The following PTBP3 variants were observed in gnomAD, a reference collection of about 807,000 sequenced individuals.
PTBP3 encodes polypyrimidine tract-binding protein 3.
A neutral mutation model predicts 58.7 loss-of-function variants in PTBP3; 20 were observed. The observed-to-expected ratio is 0.34, with a 90% CI of 0.24 to 0.50. The LOEUF (loss-of-function observed/expected upper bound fraction) is 0.50, where lower values mean the gene tolerates loss of function less well. PTBP3 is among the 20% of genes least tolerant of loss of function. PTBP3 has a pLI of 0.98. For missense variants in PTBP3, 509 were observed against 637.2 expected, an observed-to-expected ratio of 0.80 and a Z score of 2.17; for synonymous variants, 185 against 219.8, an observed-to-expected ratio of 0.84 and a Z score of 1.40.
At chr9:112,225,514 C>A (rs1834950391) in intron 12 of PTBP3, among the ~76,000 whole-genome samples, 1 of 152,034 alleles carries the variant, frequency 6.6e-6, no homozygotes, top group Non-Finnish European at 1.5e-5. Context: ...ATGTGTAAAG[C>A]AATTAATGTG....
intron 12 of PTBP3, 136 bp from the exon 13 acceptor site, chr9:112,224,346 A>G: frequency 1.9e-6 from 1 of 530,528 alleles, no homozygotes; most frequent in Non-Finnish European, 3.2e-6. Flanking sequence ...TTGATTTGGA[A>G]GTTCCCTGAA....
chr9:112,242,110 A>T (rs1215445210), intron 7 of PTBP3, among the ~76,000 whole-genome samples: 1 of 152,152 alleles, frequency 6.6e-6, no homozygotes, highest in Non-Finnish European at 1.5e-5. Context: ...CCTAATATTA[A>T]ATCACATTTT....
rs116247481 is a variant in PTBP3, at chr9:112,268,142, G to A, written c.258C>T (p.Tyr86=). 3.3e-4 allele frequency: 534 copies of A among 1,613,550 alleles called. 3 individuals carry two copies. The African/African-American group carries it at 5.3e-3, about 16-fold the overall frequency. ...TTCGAAGGTGAGGAGTAATAGGAGT[G>A]TAATAATTCACCATAGTAACGGCAG... ...EEAAVTMVNY[Y]TPITPHLRSQ... Residue 86 remains tyrosine (Y), a synonymous_variant, in exon 4 of 14, where the codon TAC becomes TAT. Coordinates refer to ENST00000374257, the MANE Select transcript of PTBP3 (RefSeq NM_001163788.4).
At chr9:112,300,913 T>C (rs922787686) in intron 1 of PTBP3, among the ~76,000 whole-genome samples, 5 of 151,946 alleles carry the variant, frequency 3.3e-5, no homozygotes, top group Non-Finnish European at 7.4e-5. Flanking sequence ...GTGGGCAACA[T>C]AGGGAGACCC....
intron 7 of PTBP3, among the ~76,000 whole-genome samples, chr9:112,246,371 G>GT (rs1835876793): frequency 6.6e-6 from 1 of 152,106 alleles, no homozygotes; most frequent in African/African-American, 2.4e-5. Context: ...AACCATCACA[G>GT]TAACAAATAA....
chr9:112,330,798 T>A (rs905643862), intron 1 of PTBP3, among the ~76,000 whole-genome samples: 1 of 152,146 alleles, frequency 6.6e-6, no homozygotes, highest in Non-Finnish European at 1.5e-5. Context: ...AAACTTAAAA[T>A]CACCAAAGTT....
intron 2 of PTBP3, among the ~76,000 whole-genome samples, chr9:112,292,729 C>T (rs147044925): frequency 7.4e-4 from 112 of 152,226 alleles, no homozygotes; most frequent in African/African-American, 2.4e-3. Flanking sequence ...AATAGCCAAA[C>T]TCTTGGAAAC....
intron 7 of PTBP3, among the ~76,000 whole-genome samples, chr9:112,241,123 A>G (rs951832147): frequency 1.3e-5 from 2 of 152,100 alleles, no homozygotes; most frequent in Non-Finnish European, 2.9e-5. Context: ...TTATTTTTTT[A>G]AATGGAGTCT....
chr9:112,253,368 A>G (rs1836211332), intron 5 of PTBP3, among the ~76,000 whole-genome samples: 1 of 152,216 alleles, frequency 6.6e-6, no homozygotes, highest in South Asian at 2.1e-4. Context: ...AAGATGAGAC[A>G]GTGCAAGAGT....
At chr9:112,231,966 A>C (rs200788661) in intron 9 of PTBP3, 133 bp downstream of exon 9, 2 of 181,514 alleles carry the variant, frequency 1.1e-5, no homozygotes, top group Non-Finnish European at 1.9e-5. Context: ...AGAGAAGAGA[A>C]GAGAGAAGAG....
At chr9:112,250,494 A>C (rs1043032458) in intron 7 of PTBP3, among the ~76,000 whole-genome samples, 1 of 149,938 alleles carries the variant, frequency 6.7e-6, no homozygotes, top group Non-Finnish European at 1.5e-5. Context: ...ACAAAACAAA[A>C]TAAATCCTCT....
At chr9:112,232,558 T>C (rs796651593) in intron 8 of PTBP3, among the ~76,000 whole-genome samples, 10 of 152,306 alleles carry the variant, frequency 6.6e-5, no homozygotes, top group African/African-American at 2.2e-4. Flanking sequence ...TTACAATAGA[T>C]ATATCCTAAC....
At chr9:112,270,596 AAAT>A (rs1469723918) in intron 3 of PTBP3, among the ~76,000 whole-genome samples, 1 of 152,250 alleles carries the variant, frequency 6.6e-6, no homozygotes, top group African/African-American at 2.4e-5. Flanking sequence ...TTCCAGTCTA[AAAT>A]AATGGGAAAC....
intron 1 of PTBP3, among the ~76,000 whole-genome samples, chr9:112,320,024 G>T (rs1367038733): frequency 1.3e-5 from 2 of 152,074 alleles, no homozygotes; most frequent in Non-Finnish European, 2.9e-5. Flanking sequence ...GGCTGGGGGT[G>T]AAACTGAGGA....
At chr9:112,352,408 C>T in the PTBP3 span, among the ~76,000 whole-genome samples, 5 of 152,188 alleles carry the variant, frequency 3.3e-5, no homozygotes, top group African/African-American at 7.2e-5. Flanking sequence ...CTTTGGTCAA[C>T]GGTTGCAGGT....
intron 3 of PTBP3, 87 bp from the exon 4 acceptor site, chr9:112,268,282 C>A: frequency 7.5e-7 from 1 of 1,331,250 alleles, no homozygotes; most frequent in East Asian, 2.5e-5. Flanking sequence ...TTGCTCTAAA[C>A]CCATGCACTC....
chr9:112,269,130 G>A (rs1319603964), intron 3 of PTBP3, among the ~76,000 whole-genome samples: 1 of 151,408 alleles, frequency 6.6e-6, no homozygotes, highest in Non-Finnish European at 1.5e-5. Context: ...CCAGGAGGCG[G>A]AGGTTGCAGT....
chr9:112,224,022 G>C, intron 13 of PTBP3, 39 bp from the exon 14 acceptor site: 2 of 1,593,484 alleles, frequency 1.3e-6, no homozygotes, highest in Non-Finnish European at 1.7e-6. Flanking sequence ...TATTTAGAAT[G>C]AATTTTGCTT....
At chr9:112,297,752 T>C in intron 2 of PTBP3, 80 bp downstream of exon 2, 1 of 1,195,446 alleles carries the variant, frequency 8.4e-7, no homozygotes. Context: ...TTCAACATGA[T>C]ATAAGCAAAA....
Sources: allele counts gnomAD v4.1 joint callset (sites outside exome capture counted in the v4.1 genomes callset), GRCh38; gene constraint gnomAD v4.1.1; transcripts MANE v1.5; gene names NCBI Gene and HGNC (gene_info 2026-07-23, HGNC 2026-07-21).